NYAP2: variants seen among roughly 807,000 people sequenced by gnomAD.
NYAP2 encodes neuronal tyrosine-phosphorylated phosphoinositide-3-kinase adapter 2.
A neutral mutation model predicts 50.4 loss-of-function variants in NYAP2; 23 were observed. The ratio of observed to expected loss-of-function variants is 0.46; its 90% CI spans 0.33 to 0.65. NYAP2 has a LOEUF of 0.65. Among genes scored for constraint, NYAP2 ranks in the 30% least tolerant of loss-of-function variants. The pLI, the probability that NYAP2 is intolerant of heterozygous loss-of-function variation, is 0.02. For missense variants in NYAP2, 885 were observed against 861.0 expected, an observed-to-expected ratio of 1.03 and a Z score of -0.35; for synonymous variants, 394 against 365.2, an observed-to-expected ratio of 1.08 and a Z score of -0.90.
At chr2:225,503,864 T>C (rs749214910) in intron 3 of NYAP2, among the ~76,000 whole-genome samples, 13 of 152,242 alleles carry the variant, frequency 8.5e-5, no homozygotes, top group Admixed American at 2.0e-4. Flanking sequence ...TAGCTTTTTT[T>C]TTCTTGACTT....
At chr2:225,398,537 A>G (rs1694807022), upstream of NYAP2, among the ~76,000 whole-genome samples, 1 of 151,990 alleles carries the variant, frequency 6.6e-6, no homozygotes, top group Non-Finnish European at 1.5e-5. Flanking sequence ...AAACCTCTTG[A>G]TCACAGTGTG....
Position 225,552,966 on chromosome 2 carries a change from G to A in NYAP2, c.524-28975G>A, listed in dbSNP as rs555762036. Among the ~76,000 whole-genome samples the A allele has an allele frequency of 1.5e-4, 23 of 152,250 alleles. No individual in the cohort carries two copies. In the South Asian group the frequency reaches 2.5e-3, roughly 16 times the overall value. Reference sequence around the variant, plus strand: ...CTCCCAAAGTGCTAAGATTACAGGCGTGAGCCACCACCGTGCCCAGCCAAC... The same window carrying A: ...CTCCCAAAGTGCTAAGATTACAGGCATGAGCCACCACCGTGCCCAGCCAAC... On this transcript the variant is annotated intron_variant, in intron 4 of 6. Transcript: ENST00000636099.
chr2:225,618,253 G>A (rs1693024249), intron 5 of NYAP2, among the ~76,000 whole-genome samples: 1 of 152,156 alleles, frequency 6.6e-6, no homozygotes, highest in African/African-American at 2.4e-5. Flanking sequence ...TTGATCCAAA[G>A]AAGATCCAAA....
intron 2 of NYAP2, among the ~76,000 whole-genome samples, chr2:225,403,331 A>C (rs549965372): frequency 1.3e-5 from 2 of 152,138 alleles, no homozygotes; most frequent in Admixed American, 1.3e-4. Context: ...TACCCTCTGC[A>C]AATAAAATAA....
intron 3 of NYAP2, among the ~76,000 whole-genome samples, chr2:225,417,125 C>T (rs1364583589): frequency 1.3e-5 from 2 of 151,972 alleles, no homozygotes; most frequent in Non-Finnish European, 2.9e-5. Flanking sequence ...TCCAAAGAAC[C>T]CGTAAGAGAA....
rs557611255 is a variant in NYAP2, at chr2:225,427,133, A to G, written c.221+18032A>G. Among the ~76,000 whole-genome samples the G allele has an allele frequency of 2.6e-5, 4 of 152,302 alleles. No individual in the cohort carries two copies. In the South Asian group the frequency reaches 8.3e-4, roughly 32 times the overall value. On this transcript the variant is annotated intron_variant, in intron 3 of 6. Coordinates refer to ENST00000636099, the Ensembl canonical transcript of NYAP2. Reference sequence around the variant, plus strand: ...ACCTCCTAATGACCTCTGAGCAGAAAAGCTGCCTGTCATCCTTAAAGTTTA... The same window carrying G: ...ACCTCCTAATGACCTCTGAGCAGAAGAGCTGCCTGTCATCCTTAAAGTTTA...
intron 3 of NYAP2, among the ~76,000 whole-genome samples, chr2:225,452,800 C>T (rs192123664): frequency 9.1e-4 from 139 of 152,252 alleles, no homozygotes; most frequent in Non-Finnish European, 1.7e-3. Context: ...CACATGCACA[C>T]GTAACAGAGC....
chr2:225,555,460 A>T (rs1422969541), intron 4 of NYAP2, among the ~76,000 whole-genome samples: 2 of 152,140 alleles, frequency 1.3e-5, no homozygotes, highest in African/African-American at 4.8e-5. Context: ...TCTTAGTGAT[A>T]GTCTCAGGTT....
intron 4 of NYAP2, among the ~76,000 whole-genome samples, chr2:225,550,015 TAGAG>T (rs1010571771): frequency 1.4e-4 from 21 of 146,296 alleles, no homozygotes; most frequent in African/African-American, 4.6e-4. Flanking sequence ...AAATAAAAAA[TAGAG>T]AGAGAGAAAA....
intron 3 of NYAP2, among the ~76,000 whole-genome samples, chr2:225,471,884 C>G (rs889855143): frequency 1.3e-5 from 2 of 152,124 alleles, no homozygotes; most frequent in African/African-American, 4.8e-5. Flanking sequence ...TAGTATGCAG[C>G]AAACCTATCA....
intron 4 of NYAP2, among the ~76,000 whole-genome samples, chr2:225,560,039 AAGG>A (rs1691845439): frequency 6.6e-6 from 1 of 152,056 alleles, no homozygotes; most frequent in Non-Finnish European, 1.5e-5. Flanking sequence ...TCATTATCAC[AAGG>A]AGATCATAAT....
intron 6 of NYAP2, among the ~76,000 whole-genome samples, chr2:225,635,292 C>T (rs1693393062): frequency 6.6e-6 from 1 of 152,142 alleles, no homozygotes; most frequent in African/African-American, 2.4e-5. Flanking sequence ...GTAAATCATG[C>T]TTGGCAACAA....
At chr2:225,648,221 G>T (rs1287138727) in intron 6 of NYAP2, among the ~76,000 whole-genome samples, 1 of 151,986 alleles carries the variant, frequency 6.6e-6, no homozygotes, top group African/African-American at 2.4e-5. Context: ...GGCTAGTCTC[G>T]AACTCCTGAC....
Position 225,501,168 on chromosome 2 carries a change from A to G in NYAP2, c.222-12203A>G, listed in dbSNP as rs930525451. The stretch of plus-strand genomic sequence containing the variant: ...AGGGCATGACTTTACAGTTCTTACT[A>G]ATAGGAACATGTGTTCTCCCTCTAG... On this transcript the variant is annotated intron_variant, in intron 3 of 6. Transcript: ENST00000636099. 3.9e-5 allele frequency among the ~76,000 whole-genome samples: 6 copies of G among 152,346 alleles called. No homozygotes were observed. The East Asian group carries it at 1.2e-3, about 29-fold the overall frequency.
intron 4 of NYAP2, among the ~76,000 whole-genome samples, chr2:225,515,926 G>A (rs1353616666): frequency 1.3e-5 from 2 of 152,188 alleles, no homozygotes; most frequent in Non-Finnish European, 2.9e-5. Flanking sequence ...AGAGAAGAGA[G>A]ATGAGAAGGA....
At chr2:225,565,066 G>T (rs1357409233) in intron 4 of NYAP2, among the ~76,000 whole-genome samples, 2 of 151,878 alleles carry the variant, frequency 1.3e-5, no homozygotes, top group African/African-American at 4.8e-5. Context: ...GTGGGGCAGA[G>T]GTTGCAGTGA....
At chr2:225,496,627 G>C (rs1206977771) in intron 3 of NYAP2, among the ~76,000 whole-genome samples, 1 of 152,172 alleles carries the variant, frequency 6.6e-6, no homozygotes, top group African/African-American at 2.4e-5. Context: ...GAATCACTAA[G>C]TTAATTGTCC....
rs189539655 is a variant in NYAP2 at position 225,453,509 on chromosome 2, G to A, written c.221+44408G>A. ...AATATATAGCAAAAAATCAAAATGA[G>A]ATATTGTAGTTCTAAGCTTTAGAGA... On this transcript the variant is annotated intron_variant, in intron 3 of 6. Transcript: ENST00000636099. Among the ~76,000 whole-genome samples the A allele has an allele frequency of 2.5e-3, 380 of 152,174 alleles. 2 individuals are homozygous for A. The highest frequency in any genetic ancestry group is 0.01 in the Middle Eastern group (3 of 294).
At chr2:225,510,131 T>G (rs563050935) in intron 3 of NYAP2, among the ~76,000 whole-genome samples, 47 of 152,220 alleles carry the variant, frequency 3.1e-4, no homozygotes, top group African/African-American at 1.1e-3. Flanking sequence ...CCACAGTTGA[T>G]GTGCATTCAT....
Sources: allele counts gnomAD v4.1 joint callset (sites outside exome capture counted in the v4.1 genomes callset), GRCh38; gene constraint gnomAD v4.1.1; transcripts MANE v1.5; gene names NCBI Gene and HGNC (gene_info 2026-07-23, HGNC 2026-07-21).